The following PHACTR4 variants were observed in gnomAD, a reference collection of about 807,000 sequenced individuals.
PHACTR4 encodes phosphatase and actin regulator 4, also known as protein phosphatase 1, regulatory subunit 124.
PHACTR4 carries 51 observed loss-of-function variants against 72.7 expected under a neutral mutation model. The observed-to-expected ratio is 0.70, with a 90% CI of 0.56 to 0.89. PHACTR4 has a LOEUF of 0.89. PHACTR4 is among the 40% of genes least tolerant of loss of function. The pLI is 0.00. For missense variants in PHACTR4, 731 were observed against 861.8 expected, an observed-to-expected ratio of 0.85 and a Z score of 1.90; for synonymous variants, 255 against 302.5, an observed-to-expected ratio of 0.84 and a Z score of 1.63.
chr1:28,403,302 T>C (rs1179478127), intron 1 of PHACTR4, among the ~76,000 whole-genome samples: 1 of 152,228 alleles, frequency 6.6e-6, no homozygotes, highest in Non-Finnish European at 1.5e-5. Context: ...GGAGCTAAAA[T>C]GACCTTTTAG....
chr1:28,410,852 A>G (rs1569863739), intron 2 of PHACTR4, among the ~76,000 whole-genome samples: 2 of 151,852 alleles, frequency 1.3e-5, no homozygotes, highest in African/African-American at 4.8e-5. Context: ...GATTACCAGC[A>G]CCTGCCACCA....
intron 2 of PHACTR4, chr1:28,432,963 C>G (rs904853239): frequency 1.1e-5 from 4 of 374,648 alleles, no homozygotes; most frequent in Non-Finnish European, 1.5e-5. Flanking sequence ...CCAGGCTGGT[C>G]TTGAACTCCT....
chr1:28,457,293 C>T, intron 2 of PHACTR4: 1 of 445,396 alleles, frequency 2.2e-6, no homozygotes, highest in Non-Finnish European at 4.5e-6. Flanking sequence ...TTGAAAATAC[C>T]TAGTTTTAAA....
rs770296990 is a variant in PHACTR4, at chr1:28,476,128, G to C, written c.1443G>C (p.Glu481Asp). Residue 481 changes from glutamate (E) to aspartate (D), a missense_variant, in exon 8 of 14, where the codon GAG becomes GAC. Transcript: ENST00000373839. ...TTAGTCCAGACGATGAAGAAGAAGA[G>C]GAGCAAACCTGTCCATCCACATTCA... The part of the protein sequence containing the change: ...MLKVPDDEEE[E>D]EQTCPSTFSE... The C allele has an allele frequency of 6.2e-7, 1 of 1,605,170 alleles. No individual in the cohort carries two copies. The highest frequency in any genetic ancestry group is 8.5e-7 in the Non-Finnish European group (1 of 1,177,948).
chr1:28,454,540 A>G (rs1474510596), intron 2 of PHACTR4, among the ~76,000 whole-genome samples: 1 of 152,098 alleles, frequency 6.6e-6, no homozygotes, highest in African/African-American at 2.4e-5. Flanking sequence ...CTGGGATTAC[A>G]GGTGTGAGCC....
chr1:28,451,870 C>G (rs1255121202), intron 2 of PHACTR4, among the ~76,000 whole-genome samples: 1 of 151,870 alleles, frequency 6.6e-6, no homozygotes, highest in Non-Finnish European at 1.5e-5. Flanking sequence ...AACTCCTGGG[C>G]TCAAGTGATC....
intron 2 of PHACTR4, among the ~76,000 whole-genome samples, chr1:28,426,319 A>G (rs956132077): frequency 3.9e-5 from 6 of 152,012 alleles, no homozygotes; most frequent in African/African-American, 1.2e-4. Flanking sequence ...CATACTACCA[A>G]TAGTAGTTGG....
chr1:28,405,671 A>G (rs1654269424), intron 1 of PHACTR4, among the ~76,000 whole-genome samples: 1 of 151,692 alleles, frequency 6.6e-6, no homozygotes, highest in South Asian at 2.1e-4. Flanking sequence ...CCAGGGAATG[A>G]CCACCAGTTA....
intron 1 of PHACTR4, among the ~76,000 whole-genome samples, chr1:28,372,819 T>C (rs1339948632): frequency 2.1e-5 from 3 of 145,616 alleles, no homozygotes; most frequent in Admixed American, 7.1e-5. Flanking sequence ...GCCACTGCAC[T>C]CCAGCCTGGG....
intron 2 of PHACTR4, among the ~76,000 whole-genome samples, chr1:28,439,832 C>T (rs956498614): frequency 6.6e-6 from 1 of 152,100 alleles, no homozygotes. Flanking sequence ...GTGGTTTCTA[C>T]GCCAAACATT....
chr1:28,385,535 T>A, intron 1 of PHACTR4, among the ~76,000 whole-genome samples: 1 of 124,042 alleles, frequency 8.1e-6, no homozygotes. Flanking sequence ...AGAGCAAGAC[T>A]CTGTCTCAAA....
chr1:28,420,304 T>C (rs555945538), intron 2 of PHACTR4, among the ~76,000 whole-genome samples: 2 of 152,240 alleles, frequency 1.3e-5, no homozygotes, highest in African/African-American at 2.4e-5. Flanking sequence ...GTGGAGGTAA[T>C]TGAATTATGG....
intron 2 of PHACTR4, among the ~76,000 whole-genome samples, chr1:28,417,817 T>C (rs1349693809): frequency 1.3e-5 from 2 of 152,136 alleles, no homozygotes; most frequent in East Asian, 3.9e-4. Context: ...GGCAAAATCT[T>C]GATAACTAAA....
chr1:28,370,610 G>C (rs1478913910), intron 1 of PHACTR4, among the ~76,000 whole-genome samples: 1 of 67,996 alleles, frequency 1.5e-5, no homozygotes, highest in Non-Finnish European at 2.9e-5. Context: ...CTGATTGCTT[G>C]CAAAAAAAAA....
At chr1:28,479,926 A>G (rs1660177472) in intron 8 of PHACTR4, among the ~76,000 whole-genome samples, 1 of 152,090 alleles carries the variant, frequency 6.6e-6, no homozygotes, top group Non-Finnish European at 1.5e-5. Context: ...AACCAACAAC[A>G]ATATGGAGTA....
intron 2 of PHACTR4, among the ~76,000 whole-genome samples, chr1:28,418,625 C>A (rs935601379): frequency 2.0e-5 from 3 of 152,114 alleles, no homozygotes; most frequent in Non-Finnish European, 4.4e-5. Context: ...ATATATATTT[C>A]TTTGAGAAAA....
intron 2 of PHACTR4, among the ~76,000 whole-genome samples, chr1:28,442,017 A>C (rs1657070192): frequency 6.6e-6 from 1 of 152,026 alleles, no homozygotes. Flanking sequence ...AAACTTTCAA[A>C]TCCTACTTTG....
chr1:28,390,226 A>G (rs1652897408), intron 1 of PHACTR4, among the ~76,000 whole-genome samples: 1 of 152,098 alleles, frequency 6.6e-6, no homozygotes, highest in Admixed American at 6.6e-5. Context: ...ATCATAGCAC[A>G]CTATAGCCTC....
At chr1:28,390,758 G>A (rs1032953124) in intron 1 of PHACTR4, among the ~76,000 whole-genome samples, 18 of 151,642 alleles carry the variant, frequency 1.2e-4, no homozygotes, top group East Asian at 5.8e-4. Flanking sequence ...ACGCCACTGC[G>A]CTCCAGCCTG....
Sources: gnomAD v4.1 joint callset for allele counts (sites outside exome capture counted in the v4.1 genomes callset) on GRCh38, gnomAD v4.1.1 for gene constraint, MANE v1.5 for transcripts, NCBI Gene and HGNC (gene_info 2026-07-23, HGNC 2026-07-21) for gene names.